The following AP5B1 variants were observed in gnomAD, a reference collection of about 807,000 sequenced individuals.
AP5B1 encodes the protein AP-5 complex subunit beta-1.
A neutral mutation model predicts 5.7 loss-of-function variants in AP5B1; 3 were observed. The observed-to-expected ratio is 0.53, with a 90% CI of 0.24 to 1.36. The LOEUF (loss-of-function observed/expected upper bound fraction) is 1.36. Among genes scored for constraint, AP5B1 ranks in the 40% most tolerant of loss-of-function variants. The probability of loss-of-function intolerance (pLI) is 0.17; values close to 1 mark genes in which losing one functional copy is unlikely to be tolerated. For synonymous variants in AP5B1, 696 were observed against 555.5 expected, an observed-to-expected ratio of 1.25 and a Z score of -3.56; for missense variants, 1,310 against 1,143.2, an observed-to-expected ratio of 1.15 and a Z score of -2.10.
rs1857763086 is a variant in AP5B1, at chr11:65,776,190, C to CCAGGCCCG, written c.*1658_*1665dup. 1 of 152,422 alleles carries CCAGGCCCG rather than the reference C, an allele frequency of 6.6e-6. No homozygotes were observed. The highest frequency in any genetic ancestry group is 2.4e-5 in the African/African-American group (1 of 41,464). 9.4% of individuals were successfully genotyped at this position (152,422 alleles called of 1,614,324 possible). A position where few individuals can be genotyped will look rare whatever the true frequency, so the allele number is the denominator to read the frequency against. Reference sequence around the variant, plus strand: ...ACAGGCATGAGCCACCGCACCCAGCCCAGGCCCGTCTTTCCTCTCCTAGTC... The same window carrying CCAGGCCCG: ...ACAGGCATGAGCCACCGCACCCAGCCCAGGCCCGCAGGCCCGTCTTTCCTCTCCTAGTC... On this transcript the variant is annotated 3_prime_UTR_variant, in exon 2 of 2. Transcript: ENST00000532090.
At position 65,775,712 on chromosome 11, in the gene AP5B1, T is replaced by C. The variant is rs901944248; in HGVS notation, c.*2144A>G. On this transcript the variant is annotated 3_prime_UTR_variant, in exon 2 of 2. Coordinates refer to ENST00000532090, the MANE Select transcript of AP5B1 (RefSeq NM_138368.5). ...GCCTTCCCATGTACTTTAAGTACCC[T>C]GATTCCCTTAAATCCCCTTCTGCCA... Among the ~76,000 whole-genome samples the C allele has an allele frequency of 2.0e-5, 3 of 152,214 alleles. No individual in the cohort carries two copies. Among genetic ancestry groups the C allele is most frequent in the Non-Finnish European group, 4.4e-5 (3 of 68,036 alleles).
rs1857778227 is a variant in AP5B1, at chr11:65,777,432, A to C, written c.*424T>G. On this transcript the variant is annotated 3_prime_UTR_variant, in exon 2 of 2. Transcript: ENST00000532090. ...ATGCGATTGCCACTGTAACAGTATA[A>C]GATTAGACCCTAAGAGGTGGTCAGG... is the stretch of plus-strand genomic sequence containing the variant. The C allele has an allele frequency of 5.7e-6, 1 of 174,698 alleles. No individual in the cohort carries two copies. Among genetic ancestry groups the C allele is most frequent in the Non-Finnish European group, 1.2e-5 (1 of 81,266 alleles). The allele number at this position is 174,698 out of a possible 1,614,324, so 10.8% of individuals were successfully genotyped here.
chr11:65,774,108 G>GT lies in AP5B1; in HGVS notation c.*3747dup, dbSNP rs760320677. ...TGTGTCTAAACCATAAAGGGATGGG[G>GT]TATAACAAGTTGCATCTGACCTCCC... On this transcript the variant is annotated 3_prime_UTR_variant, in exon 2 of 2. Coordinates refer to ENST00000532090, the MANE Select transcript of AP5B1 (RefSeq NM_138368.5). Among the ~76,000 whole-genome samples, 9 of 152,318 alleles carry GT rather than the reference G, an allele frequency of 5.9e-5. No homozygotes were observed. The East Asian group carries it at 1.2e-3, about 20-fold the overall frequency.
rs753251372 is a variant in AP5B1 at position 65,779,981 on chromosome 11, A to C, written c.512T>G (p.Leu171Trp). 6.4e-6 allele frequency: 10 copies of C among 1,574,388 alleles called. No homozygotes were observed. In the African/African-American group the frequency reaches 1.2e-4, roughly 19 times the overall value. The change falls in exon 2 of 2, where the codon TTG (leucine) becomes TGG (tryptophan). Residue 171 changes from leucine to tryptophan, a missense_variant. By Grantham distance (61) the Leu-to-Trp change is moderately conservative (BLOSUM62 -2). Transcript: ENST00000532090. ...KPGLLGGSLG[L>W]LRGLLGQEGP... ...TTCCTGCCCCAGCAGGCCCCGCAGC[A>C]ACCCCAGGGAGCCCCCCAGCAGCCC...
Sources: gnomAD v4.1 joint callset for allele counts (sites outside exome capture counted in the v4.1 genomes callset) on GRCh38, gnomAD v4.1.1 for gene constraint, MANE v1.5 for transcripts, NCBI Gene and HGNC (gene_info 2026-07-23, HGNC 2026-07-21) for gene names.